Variants in CCDC102B observed in about 807,000 individuals in gnomAD.
CCDC102B encodes coiled-coil domain containing 102B.
In CCDC102B, 75 loss-of-function variants were observed where a neutral mutation model predicts 57.4. That is an observed-to-expected ratio of 1.31 (90% CI 1.08 to 1.58). CCDC102B has a LOEUF of 1.58. Among genes scored for constraint, CCDC102B ranks in the 40% most tolerant of loss-of-function variants. The pLI, the probability that CCDC102B is intolerant of heterozygous loss-of-function variation, is 0.00. For missense variants in CCDC102B, 636 were observed against 582.6 expected (o/e 1.09, Z -0.94); for synonymous variants, 206 against 201.9 (o/e 1.02, Z -0.17).
chr18:68,956,429 ACATTTT>A (rs2049871084), intron 6 of CCDC102B, among the ~76,000 whole-genome samples: 2 of 48,144 alleles, frequency 4.2e-5, no homozygotes, highest in African/African-American at 2.6e-4. Context: ...TATATATTAT[ACATTTT>A]ATATATATTA....
intron 6 of CCDC102B, among the ~76,000 whole-genome samples, chr18:68,924,396 C>T (rs1354277642): frequency 6.6e-6 from 1 of 152,068 alleles, no homozygotes; most frequent in African/African-American, 2.4e-5. Flanking sequence ...CACCATACTT[C>T]TTCCTGCCAC....
intron 6 of CCDC102B, among the ~76,000 whole-genome samples, chr18:68,991,898 T>C (rs1334152350): frequency 6.6e-6 from 1 of 152,166 alleles, no homozygotes. Flanking sequence ...TAAGAACTAA[T>C]TTATATATGC....
At chr18:68,955,802 T>G (rs1446127090) in intron 6 of CCDC102B, among the ~76,000 whole-genome samples, 1 of 152,028 alleles carries the variant, frequency 6.6e-6, no homozygotes, top group Non-Finnish European at 1.5e-5. Context: ...GTAGATGTAT[T>G]AAATTATGGG....
At chr18:68,911,716 C>T (rs1170805423) in intron 6 of CCDC102B, among the ~76,000 whole-genome samples, 5 of 118,084 alleles carry the variant, frequency 4.2e-5, no homozygotes, top group South Asian at 3.0e-4. Flanking sequence ...CGCGCCACTG[C>T]ACTCCAGCCT....
intron 6 of CCDC102B, among the ~76,000 whole-genome samples, chr18:68,949,988 A>G (rs944148556): frequency 3.9e-5 from 6 of 152,168 alleles, no homozygotes; most frequent in African/African-American, 2.4e-5. Context: ...AATACTGTCT[A>G]TAATTCCTAA....
At chr18:68,829,126 T>A (rs993218641) in intron 1 of CCDC102B, among the ~76,000 whole-genome samples, 7 of 152,054 alleles carry the variant, frequency 4.6e-5, no homozygotes, top group South Asian at 2.1e-4. Context: ...TTTTAAAAAA[T>A]TTTTTGTTGA....
intron 5 of CCDC102B, among the ~76,000 whole-genome samples, chr18:68,882,423 G>A (rs1305783533): frequency 6.6e-6 from 1 of 152,108 alleles, no homozygotes; most frequent in African/African-American, 2.4e-5. Flanking sequence ...ATATCCCCAT[G>A]TTTTCCCCTT....
At chr18:68,848,969 G>A (rs2037998467) in intron 4 of CCDC102B, among the ~76,000 whole-genome samples, 1 of 151,884 alleles carries the variant, frequency 6.6e-6, no homozygotes, top group Non-Finnish European at 1.5e-5. Context: ...GCATTTGCTT[G>A]GAATGTTCTA....
intron 6 of CCDC102B, among the ~76,000 whole-genome samples, chr18:68,994,666 C>A (rs1021029765): frequency 3.9e-5 from 6 of 152,126 alleles, no homozygotes; most frequent in Non-Finnish European, 8.8e-5. Context: ...TTCCTGATGC[C>A]TTGTGAAGAA....
chr18:68,915,159 T>A (rs2041024536), intron 6 of CCDC102B, among the ~76,000 whole-genome samples: 1 of 152,274 alleles, frequency 6.6e-6, no homozygotes, highest in Non-Finnish European at 1.5e-5. Context: ...TCCCATCTGC[T>A]GCACTCACGC....
Position 68,897,412 on chromosome 18 carries a change from T to C in CCDC102B, c.1247T>C (p.Leu416Pro), listed in dbSNP as rs748807838. The change falls in exon 6 of 8, where the codon CTG becomes CCG. Residue 416 changes from leucine to proline, a missense_variant. Leu to Pro is a moderately conservative substitution (Grantham distance 98, BLOSUM62 -3). Coordinates refer to ENST00000360242, the MANE Select transcript of CCDC102B (RefSeq NM_024781.3). The part of the protein sequence containing the change: ...SPDFKMSQID[L>P]QEKNQELLNL... ...GATTTCAAGATGTCACAAATTGATC[T>C]GCAAGAAAAAAACCAGGTATGGGTG... 4.1e-5 allele frequency: 66 copies of C among 1,610,320 alleles called. No individual in the cohort carries two copies. Among genetic ancestry groups the C allele is most frequent in the Non-Finnish European group, 5.3e-5 (63 of 1,178,406 alleles).
chr18:68,990,373 C>G (rs989781458), intron 6 of CCDC102B, among the ~76,000 whole-genome samples: 2 of 152,136 alleles, frequency 1.3e-5, no homozygotes, highest in Non-Finnish European at 2.9e-5. Flanking sequence ...AGGATCCAGC[C>G]TTTAATTTTC....
chr18:68,756,167 GAAAT>G (rs2034042292), intron 2 of CCDC102B, among the ~76,000 whole-genome samples: 1 of 151,618 alleles, frequency 6.6e-6, no homozygotes, highest in South Asian at 2.1e-4. Flanking sequence ...TTCAGGCAAA[GAAAT>G]AAGAACAAAT....
At chr18:68,982,315 G>C in intron 6 of CCDC102B, among the ~76,000 whole-genome samples, 1 of 151,784 alleles carries the variant, frequency 6.6e-6, no homozygotes, top group East Asian at 1.9e-4. Context: ...TATATGTGTG[G>C]ATATATGATA....
intron 6 of CCDC102B, among the ~76,000 whole-genome samples, chr18:68,959,919 G>A (rs768839471): frequency 1.3e-5 from 2 of 152,042 alleles, no homozygotes; most frequent in Non-Finnish European, 2.9e-5. Context: ...GACTGGTTCA[G>A]CAATGCTGTC....
At chr18:68,782,979 A>G (rs2144638730) in intron 2 of CCDC102B, among the ~76,000 whole-genome samples, 1 of 152,252 alleles carries the variant, frequency 6.6e-6, no homozygotes, top group East Asian at 1.9e-4. Context: ...TATACCTGCC[A>G]TTTACATTTA....
rs143383285 is a variant in CCDC102B, at chr18:68,857,759, G to A, written c.936+11338G>A. Among the ~76,000 whole-genome samples, 463 of 152,078 alleles carry A rather than the reference G, an allele frequency of 3.0e-3. 3 individuals are homozygous for A. The highest frequency in any genetic ancestry group is 0.011 in the African/African-American group (440 of 41,488). Reference sequence around the variant, plus strand: ...CCAAAACTCCAAGGAAACTAGTGACGTTGAATGGCTTCAGAATGTTTCACA... The same window carrying A: ...CCAAAACTCCAAGGAAACTAGTGACATTGAATGGCTTCAGAATGTTTCACA... On this transcript the variant is annotated intron_variant, in intron 4 of 7. Coordinates refer to ENST00000360242, the MANE Select transcript of CCDC102B (RefSeq NM_024781.3).
intron 6 of CCDC102B, among the ~76,000 whole-genome samples, chr18:68,940,153 A>G (rs2145165358): frequency 6.6e-6 from 1 of 151,926 alleles, no homozygotes; most frequent in East Asian, 1.9e-4. Flanking sequence ...TTTCAAAATC[A>G]GTTAAATAAG....
chr18:68,851,365 T>C (rs1033795615), intron 4 of CCDC102B, among the ~76,000 whole-genome samples: 2 of 152,158 alleles, frequency 1.3e-5, no homozygotes, highest in Non-Finnish European at 2.9e-5. Context: ...AATTAGCTTA[T>C]CAGGCCAAAG....
Sources: allele counts gnomAD v4.1 joint callset (sites outside exome capture counted in the v4.1 genomes callset), GRCh38; gene constraint gnomAD v4.1.1; transcripts MANE v1.5; gene names NCBI Gene and HGNC (gene_info 2026-07-23, HGNC 2026-07-21).